The following RAB38 variants were observed in gnomAD, a reference collection of about 807,000 sequenced individuals.
RAB38 encodes the protein ras-related protein Rab-38.
In RAB38, 15 loss-of-function variants were observed where a neutral mutation model predicts 18.4. The ratio of observed to expected loss-of-function variants is 0.82; its 90% CI spans 0.55 to 1.26. The LOEUF is 1.26. Among genes scored for constraint, RAB38 ranks in the 50% most tolerant of loss-of-function variants. The probability of loss-of-function intolerance (pLI) is 0.00; values close to 1 mark genes in which losing one functional copy is unlikely to be tolerated. For synonymous variants in RAB38, 101 were observed against 104.4 expected (o/e 0.97, Z 0.20); for missense variants, 294 against 267.4 (o/e 1.10, Z -0.69).
chr11:87,955,656 TATCTATCAATC>T, the RAB38 span, among the ~76,000 whole-genome samples: 1 of 151,414 alleles, frequency 6.6e-6, no homozygotes, highest in African/African-American at 2.4e-5. Context: ...TTAGCTCTTA[TATCTATCAATC>T]ATCTATCTAT....
intron 2 of RAB38, 144 bp downstream of exon 2, chr11:88,149,531 G>A (rs1435389743): frequency 2.0e-5 from 20 of 983,746 alleles, no homozygotes; most frequent in Non-Finnish European, 2.8e-5. Context: ...TCATTGCACT[G>A]AGATGAGAAA....
the RAB38 span, among the ~76,000 whole-genome samples, chr11:87,813,792 A>G: frequency 2.3e-4 from 35 of 152,292 alleles, no homozygotes; most frequent in African/African-American, 7.0e-4. Context: ...GCTTGGGTTA[A>G]TCGTATGACG....
chr11:87,874,936 C>T, the RAB38 span, among the ~76,000 whole-genome samples: 14 of 151,338 alleles, frequency 9.3e-5, no homozygotes, highest in Non-Finnish European at 1.6e-4. Context: ...TCCAGTCATC[C>T]CACTTCTGGG....
At chr11:88,060,192 A>C in the RAB38 span, 1 of 152,116 alleles carries the variant, frequency 6.6e-6, no homozygotes, top group African/African-American at 2.4e-5. Flanking sequence ...TTTGATCAGA[A>C]CTGCTCCTCT....
chr11:88,095,938 C>T, the RAB38 span, among the ~76,000 whole-genome samples: 2 of 151,864 alleles, frequency 1.3e-5, no homozygotes, highest in Non-Finnish European at 2.9e-5. Context: ...GCACCTCATC[C>T]ACTGCTACCC....
chr11:87,935,425 C>A, the RAB38 span, among the ~76,000 whole-genome samples: 33,526 of 151,956 alleles, frequency 0.22, 4,088 homozygotes, highest in South Asian at 0.36. Context: ...CAGACCATGC[C>A]CTTCAGAAGA....
At chr11:87,969,869 C>T in the RAB38 span, among the ~76,000 whole-genome samples, 3 of 152,098 alleles carry the variant, frequency 2.0e-5, no homozygotes, top group East Asian at 5.8e-4. Flanking sequence ...TTTTAAGCTC[C>T]TATATATACA....
chr11:88,042,976 C>T, the RAB38 span, among the ~76,000 whole-genome samples: 1 of 152,144 alleles, frequency 6.6e-6, no homozygotes, highest in Non-Finnish European at 1.5e-5. Flanking sequence ...TGAAACACCC[C>T]TAATATATGC....
At chr11:87,905,627 A>T in the RAB38 span, among the ~76,000 whole-genome samples, 1 of 151,888 alleles carries the variant, frequency 6.6e-6, no homozygotes, top group Non-Finnish European at 1.5e-5. Context: ...AGTTTCAACA[A>T]GGTCTCTCTA....
the RAB38 span, among the ~76,000 whole-genome samples, chr11:87,915,675 G>A: frequency 3.3e-4 from 50 of 152,166 alleles, no homozygotes; most frequent in East Asian, 4.3e-3. Flanking sequence ...GACAACCAGC[G>A]GCATGCTTAT....
At chr11:88,174,637 A>AAAAAAAAAAAAAAAAAC (rs1555014231) in intron 1 of RAB38, among the ~76,000 whole-genome samples, 11 of 133,682 alleles carry the variant, frequency 8.2e-5, no homozygotes, top group Middle Eastern at 4.0e-3. Flanking sequence ...AAAAAAAAAA[A>AAAAAAAAAAAAAAAAAC]AAAACAAAAC....
At chr11:88,061,660 G>A in the RAB38 span, 2 of 152,000 alleles carry the variant, frequency 1.3e-5, no homozygotes, top group African/African-American at 4.8e-5. Context: ...AAATTCAAAT[G>A]ACTTTTTTTT....
the RAB38 span, among the ~76,000 whole-genome samples, chr11:87,940,178 AAAG>A: frequency 6.6e-6 from 1 of 151,614 alleles, no homozygotes; most frequent in Non-Finnish European, 1.5e-5. Context: ...AAAAAAAAAA[AAAG>A]AGAGAGAGAG....
the RAB38 span, among the ~76,000 whole-genome samples, chr11:87,948,808 G>T: frequency 6.6e-6 from 1 of 151,520 alleles, no homozygotes; most frequent in Non-Finnish European, 1.5e-5. Flanking sequence ...TTTTATTGAG[G>T]ATTTTTGCAT....
intron 1 of RAB38, among the ~76,000 whole-genome samples, chr11:88,159,113 T>C (rs528858488): frequency 6.6e-6 from 1 of 151,690 alleles, no homozygotes; most frequent in Non-Finnish European, 1.5e-5. Flanking sequence ...CAAAAATCAA[T>C]GTATAAAAAT....
chr11:88,096,604 G>A, the RAB38 span, among the ~76,000 whole-genome samples: 1,221 of 151,906 alleles, frequency 8.0e-3, 15 homozygotes, highest in African/African-American at 0.028. Flanking sequence ...ACAGTGCTAA[G>A]TTGTTGATAA....
chr11:87,954,526 A>C, the RAB38 span, among the ~76,000 whole-genome samples: 1 of 152,116 alleles, frequency 6.6e-6, no homozygotes, highest in Non-Finnish European at 1.5e-5. Flanking sequence ...AGACCTGCAT[A>C]AATGCACGCT....
chr11:88,173,544 T>G (rs1369728146), intron 1 of RAB38: 1 of 985,304 alleles, frequency 1.0e-6, no homozygotes, highest in Admixed American at 6.1e-5. Context: ...TCTACAGACA[T>G]AGAACTTCTC....
At chr11:87,965,139 A>G in the RAB38 span, among the ~76,000 whole-genome samples, 1 of 152,162 alleles carries the variant, frequency 6.6e-6, no homozygotes, top group African/African-American at 2.4e-5. Context: ...GACACATCCA[A>G]TGTCCCCTAG....
Sources: gnomAD v4.1 joint callset for allele counts (sites outside exome capture counted in the v4.1 genomes callset) on GRCh38, gnomAD v4.1.1 for gene constraint, MANE v1.5 for transcripts, NCBI Gene and HGNC (gene_info 2026-07-23, HGNC 2026-07-21) for gene names.